ANKRD12: variants seen among roughly 807,000 people sequenced by gnomAD.
The protein encoded by ANKRD12 is ankyrin repeat domain-containing protein 12.
ANKRD12 carries 85 observed loss-of-function variants against 183.4 expected under a neutral mutation model. The ratio of observed to expected loss-of-function variants is 0.46; its 90% CI spans 0.39 to 0.56. ANKRD12 has a LOEUF of 0.56. Among genes scored for constraint, ANKRD12 ranks in the 20% least tolerant of loss-of-function variants. The pLI is 0.00. For synonymous variants in ANKRD12, 914 were observed against 800.2 expected (o/e 1.14, Z -2.40); for missense variants, 2,405 against 2,357.1 (o/e 1.02, Z -0.42).
At chr18:9,239,917 T>C (rs2037562196) in intron 8 of ANKRD12, among the ~76,000 whole-genome samples, 1 of 152,230 alleles carries the variant, frequency 6.6e-6, no homozygotes, top group Admixed American at 6.5e-5. Flanking sequence ...TTGTGCTTTA[T>C]GCCAGTGCTA....
intron 8 of ANKRD12, among the ~76,000 whole-genome samples, chr18:9,244,281 TC>T (rs1345698173): frequency 2.6e-5 from 4 of 152,210 alleles, no homozygotes; most frequent in African/African-American, 9.6e-5. Flanking sequence ...TACTTTCTAT[TC>T]TTTTTCTGGA....
intron 1 of ANKRD12, among the ~76,000 whole-genome samples, chr18:9,164,889 G>A (rs1470369866): frequency 6.6e-6 from 1 of 152,220 alleles, no homozygotes; most frequent in African/African-American, 2.4e-5. Context: ...TTTGAGTGGA[G>A]CGTTCTGTAG....
chr18:9,194,441 C>T (rs575345533), intron 2 of ANKRD12, among the ~76,000 whole-genome samples: 1 of 152,062 alleles, frequency 6.6e-6, no homozygotes, highest in South Asian at 2.1e-4. Context: ...ACTGAAGCCC[C>T]TGCCTCCCAG....
At position 9,258,374 on chromosome 18, in the gene ANKRD12, A is replaced by G. The variant is rs113507966; in HGVS notation, c.5107A>G (p.Thr1703Ala). 8.7e-5 allele frequency: 140 copies of G among 1,613,660 alleles called. No individual in the cohort carries two copies. The highest frequency in any genetic ancestry group is 2.7e-4 in the African/African-American group (20 of 74,900). Reference sequence around the variant, plus strand: ...TCTGGAAAACCATTCACAGCAGTCAACTCAACCAGAAATGCATAAATATGG... The same window carrying G: ...TCTGGAAAACCATTCACAGCAGTCAGCTCAACCAGAAATGCATAAATATGG... Reference protein sequence around the residue: ...SSLENHSQQSTQPEMHKYGQL... With the variant: ...SSLENHSQQSAQPEMHKYGQL... Residue 1703 changes from threonine (T) to alanine (A), a missense_variant, in exon 9 of 13, where the codon ACT becomes GCT. By Grantham distance (58) the Thr-to-Ala change is moderately conservative (BLOSUM62 0). This residue lies in a region of ANKRD12 where 1,983 missense variants were observed against 1,725.9 expected (regional missense o/e 1.15). Transcript: ENST00000262126.
intron 1 of ANKRD12, among the ~76,000 whole-genome samples, chr18:9,157,080 T>C (rs919718405): frequency 6.6e-6 from 1 of 152,190 alleles, no homozygotes; most frequent in Non-Finnish European, 1.5e-5. Context: ...TGGATGTTAC[T>C]CAGTGCCACA....
intron 1 of ANKRD12, among the ~76,000 whole-genome samples, chr18:9,141,594 A>G (rs2078317577): frequency 6.6e-6 from 1 of 152,194 alleles, no homozygotes; most frequent in South Asian, 2.1e-4. Flanking sequence ...AAGGAGGTAG[A>G]TTATGAAGCT....
intron 2 of ANKRD12, among the ~76,000 whole-genome samples, chr18:9,182,896 G>A (rs561479102): frequency 1.1e-4 from 17 of 152,120 alleles, no homozygotes; most frequent in African/African-American, 4.1e-4. Flanking sequence ...TCTCCTAACT[G>A]GTCTTGCTAT....
At chr18:9,235,907 C>G (rs2037319713) in intron 8 of ANKRD12, 1 of 262,932 alleles carries the variant, frequency 3.8e-6, no homozygotes, top group African/African-American at 2.2e-5. Context: ...ATAGAAAACT[C>G]AGGTAAGATA....
chr18:9,253,482 G>T (rs1404805370), intron 8 of ANKRD12, among the ~76,000 whole-genome samples: 1 of 152,138 alleles, frequency 6.6e-6, no homozygotes, highest in Non-Finnish European at 1.5e-5. Context: ...CTGTCCTCCA[G>T]TTCCATCCAT....
chr18:9,150,246 A>T (rs2078641696), intron 1 of ANKRD12, among the ~76,000 whole-genome samples: 1 of 151,964 alleles, frequency 6.6e-6, no homozygotes, highest in Non-Finnish European at 1.5e-5. Context: ...CCTATTCTGG[A>T]TTTAGAGTTA....
chr18:9,149,740 A>G (rs1023708619), intron 1 of ANKRD12, among the ~76,000 whole-genome samples: 6 of 151,930 alleles, frequency 3.9e-5, no homozygotes, highest in African/African-American at 7.2e-5. Context: ...AATAATAGAC[A>G]TATAGCTAAA....
Position 9,255,635 on chromosome 18 carries a change from A to C in ANKRD12, c.2368A>C (p.Met790Leu), listed in dbSNP as rs748800461. The change falls in exon 9 of 13, where the codon ATG becomes CTG. Residue 790 changes from methionine (M) to leucine (L), a missense_variant. Physicochemically the swap from Met to Leu is conservative, Grantham distance 15 (BLOSUM62 2). This residue lies in a region of ANKRD12 where 1,983 missense variants were observed against 1,725.9 expected (regional missense o/e 1.15). Coordinates refer to ENST00000262126, the MANE Select transcript of ANKRD12 (RefSeq NM_015208.5). ...DKDSEFTSLG[M>L]SAIEESIGLH... ...AGACTCAGAATTTACTTCTTTGGGTATGAGTGCCATTGAGGAATCTATAGG... is the reference window on the plus strand; with the variant it reads ...AGACTCAGAATTTACTTCTTTGGGTCTGAGTGCCATTGAGGAATCTATAGG... 2 of 1,574,758 alleles carry C rather than the reference A, an allele frequency of 1.3e-6. No individual in the cohort carries two copies. Among genetic ancestry groups the C allele is most frequent in the Non-Finnish European group, 1.7e-6 (2 of 1,169,880 alleles).
Position 9,257,925 on chromosome 18 carries a change from A to C in ANKRD12, c.4658A>C (p.Asp1553Ala). 2.1e-5 allele frequency: 34 copies of C among 1,613,996 alleles called. No individual in the cohort carries two copies. The highest frequency in any genetic ancestry group is 2.9e-5 in the Non-Finnish European group (34 of 1,179,974). Reference protein sequence around the residue: ...KDTENTFVLGDVQKTDAFVPV... With the variant: ...KDTENTFVLGAVQKTDAFVPV... ...ACAGAAAATACTTTTGTCCTAGGAGATGTTCAAAAAACAGATGCCTTTGTC... is the reference window on the plus strand; with the variant it reads ...ACAGAAAATACTTTTGTCCTAGGAGCTGTTCAAAAAACAGATGCCTTTGTC... The change falls in exon 9 of 13, where the codon GAT (aspartate) becomes GCT (alanine). Residue 1553 changes from aspartate to alanine, a missense_variant. This residue lies in a region of ANKRD12 where 1,983 missense variants were observed against 1,725.9 expected (regional missense o/e 1.15). Coordinates refer to ENST00000262126, the MANE Select transcript of ANKRD12 (RefSeq NM_015208.5).
chr18:9,244,111 A>G (rs1250364388), intron 8 of ANKRD12, among the ~76,000 whole-genome samples: 1 of 152,190 alleles, frequency 6.6e-6, no homozygotes, highest in Non-Finnish European at 1.5e-5. Context: ...TCCAACCTGG[A>G]CAACAAGAGC....
At chr18:9,164,718 C>T (rs1012918154) in intron 1 of ANKRD12, among the ~76,000 whole-genome samples, 2 of 152,066 alleles carry the variant, frequency 1.3e-5, no homozygotes, top group Non-Finnish European at 1.5e-5. Flanking sequence ...TGAATTTCTT[C>T]GTCTTGAGTT....
chr18:9,166,305 C>T (rs1415363586), intron 1 of ANKRD12, among the ~76,000 whole-genome samples: 1 of 152,164 alleles, frequency 6.6e-6, no homozygotes, highest in Non-Finnish European at 1.5e-5. Context: ...CACTGACTTC[C>T]ACAATGGTTG....
At chr18:9,216,626 T>G (rs2036123298) in intron 6 of ANKRD12, 132 bp from the exon 7 acceptor site, 4 of 820,092 alleles carry the variant, frequency 4.9e-6, no homozygotes, top group African/African-American at 1.8e-5. Flanking sequence ...TTTAGTAGCT[T>G]CTTCATCACT....
At chr18:9,226,046 G>T (rs2036687826) in intron 8 of ANKRD12, among the ~76,000 whole-genome samples, 1 of 152,192 alleles carries the variant, frequency 6.6e-6, no homozygotes, top group African/African-American at 2.4e-5. Context: ...TGGTTGTGAT[G>T]TAATTCTTAA....
intron 8 of ANKRD12, chr18:9,239,430 G>T: frequency 1.1e-6 from 1 of 913,298 alleles, no homozygotes. Context: ...GATTTTCACT[G>T]ATCTTGATTG....
Sources: allele counts gnomAD v4.1 joint callset (sites outside exome capture counted in the v4.1 genomes callset), GRCh38; gene constraint gnomAD v4.1.1; regional missense constraint gnomAD v4.1.1; transcripts MANE v1.5; gene names NCBI Gene and HGNC (gene_info 2026-07-23, HGNC 2026-07-21).